The following TULP1 variants were observed in gnomAD, a reference collection of about 807,000 sequenced individuals.
The protein encoded by TULP1 is TUB like protein 1, also known as tubby-related protein 1.
Under a neutral mutation model 67.1 loss-of-function variants are expected in TULP1, and 50 were observed. That is an observed-to-expected ratio of 0.75 (90% CI 0.59 to 0.94). The LOEUF (loss-of-function observed/expected upper bound fraction) is 0.94, where lower values mean the gene tolerates loss of function less well. Among genes scored for constraint, TULP1 ranks in the 40% least tolerant of loss-of-function variants. TULP1 has a pLI of 0.00. For missense variants in TULP1, 746 were observed against 734.1 expected (o/e 1.02, Z -0.19); for synonymous variants, 297 against 294.0 (o/e 1.01, Z -0.11).
intron 11 of TULP1, chr6:35,505,475 C>T (rs2395628): frequency 0.3 from 270,453 of 902,484 alleles, 41,700 homozygotes; most frequent in East Asian, 0.39. Context: ...TGCCCTGCTC[C>T]AAGTGAGGCC....
At position 35,498,405 on chromosome 6, in the gene TULP1, G is replaced by C; in HGVS notation, c.1551C>G (p.Asp517Glu). ...GRVAEDAFTL[D>E]YRYPLCALQA... ...GCAGGGCGCACAGCGGGTACCGGTA[G>C]TCTAGGGTGAAGGCGTCCTCCGCCA... is the stretch of plus-strand genomic sequence containing the variant. The change falls in exon 15 of 15, where the codon GAC (aspartate) becomes GAG (glutamate). Residue 517 changes from aspartate to glutamate, a missense_variant. Physicochemically the swap from Asp to Glu is conservative, Grantham distance 45. This residue lies in a region of TULP1 where 383 missense variants were observed against 374.1 expected (regional missense o/e 1.02). Coordinates refer to ENST00000229771, the MANE Select transcript of TULP1 (RefSeq NM_003322.6). This position sits in a 1 kb window ranked among gnomAD's most constrained non-coding sequence, Gnocchi z 6.7. 6.2e-7 allele frequency: 1 copy of C among 1,613,974 alleles called. No homozygotes were observed. Among genetic ancestry groups the C allele is most frequent in the Non-Finnish European group, 8.5e-7 (1 of 1,180,026 alleles).
At chr6:35,502,909 G>T (rs1051166784) in intron 13 of TULP1, among the ~76,000 whole-genome samples, 6 of 152,062 alleles carry the variant, frequency 3.9e-5, no homozygotes, top group Middle Eastern at 3.4e-3. Context: ...CCAGCTTCAG[G>T]GGGGCAGAGC....
intron 11 of TULP1, 74 bp downstream of exon 11, chr6:35,505,667 C>T (rs1434409440): frequency 3.8e-6 from 6 of 1,587,196 alleles, no homozygotes; most frequent in Non-Finnish European, 5.1e-6. Flanking sequence ...CTACCAGGCA[C>T]AGCAGGACAG....
Position 35,498,863 on chromosome 6 carries a change from T to A in TULP1, c.1496-403A>T, listed in dbSNP as rs1472154892. Among the ~76,000 whole-genome samples, 1 of 152,118 alleles carries A rather than the reference T, an allele frequency of 6.6e-6. No homozygotes were observed. The highest frequency in any genetic ancestry group is 2.4e-5 in the African/African-American group (1 of 41,428). ...TTAGACCCCAGCTCCACCCCTTGAC[T>A]AGCCCCTGGTTCCCTTCCTCAGCCT... On this transcript the variant is annotated intron_variant, in intron 14 of 14. Transcript: ENST00000229771. The surrounding 1 kb of genome is among the most constrained non-coding windows in gnomAD (Gnocchi z 6.7).
In TULP1 at chr6:35,498,479, GT is replaced by G. The variant is rs758735712; in HGVS notation, c.1496-20del. 1.2e-5 allele frequency: 19 copies of G among 1,613,290 alleles called. No homozygotes were observed. The highest frequency in any genetic ancestry group is 1.4e-5 in the Non-Finnish European group (17 of 1,179,982). Reference sequence around the variant, plus strand: ...TAGTCGGCTATGGACACAAGACGGGGTGGGGGCGGCCCGAGACCTCCTTGGA... The same window carrying G: ...TAGTCGGCTATGGACACAAGACGGGGGGGGGCGGCCCGAGACCTCCTTGGA... On this transcript the variant is annotated intron_variant, in intron 14 of 14. Coordinates refer to ENST00000229771, the MANE Select transcript of TULP1 (RefSeq NM_003322.6). This position sits in a 1 kb window ranked among gnomAD's most constrained non-coding sequence, Gnocchi z 6.7.
chr6:35,505,617 G>A (rs770410670), intron 11 of TULP1, 124 bp downstream of exon 11: 1 of 1,547,212 alleles, frequency 6.5e-7, no homozygotes, highest in African/African-American at 1.4e-5. Context: ...GAGGCCCTAG[G>A]CTAGGGGACG....
chr6:35,505,682 G>T (rs924522432), intron 11 of TULP1, 59 bp downstream of exon 11: 2 of 1,601,076 alleles, frequency 1.2e-6, no homozygotes, highest in Non-Finnish European at 1.7e-6. Context: ...GGACAGAGAT[G>T]ACGGGCTATG....
chr6:35,504,316 GC>G (rs1267183964), intron 11 of TULP1, among the ~76,000 whole-genome samples: 3 of 152,060 alleles, frequency 2.0e-5, no homozygotes, highest in African/African-American at 7.2e-5. Context: ...CTGCACTCCA[GC>G]CTGGGCGACA....
chr6:35,501,051 C>T (rs1278830621), intron 13 of TULP1, among the ~76,000 whole-genome samples: 1 of 152,094 alleles, frequency 6.6e-6, no homozygotes. Context: ...ACATCAGTCT[C>T]CTGTGAGGAT....
At chr6:35,507,203 CA>C (rs869194937) in intron 8 of TULP1, among the ~76,000 whole-genome samples, 4,811 of 71,966 alleles carry the variant, frequency 0.067, 92 homozygotes, top group African/African-American at 0.12. Context: ...AACACTCAAG[CA>C]AAAAAAAAAA....
rs958604516 is a variant in TULP1 at position 35,497,895 on chromosome 6, T to C, written c.*432A>G. The C allele has an allele frequency of 1.3e-5, 3 of 223,084 alleles. No individual in the cohort carries two copies. Among genetic ancestry groups the C allele is most frequent in the South Asian group, 6.2e-5 (1 of 16,128 alleles). 13.8% of individuals were successfully genotyped at this position (223,084 alleles called of 1,614,324 possible). A position where few individuals can be genotyped will look rare whatever the true frequency, so the allele number is the denominator to read the frequency against. On this transcript the variant is annotated 3_prime_UTR_variant, in exon 15 of 15. Coordinates refer to ENST00000229771, the MANE Select transcript of TULP1 (RefSeq NM_003322.6). ...CCGCTTGGCCAAGGACGCGGCTTTATTGGGGATGTGGGTGCCTGGCCCTCG... is the reference window on the plus strand; with the variant it reads ...CCGCTTGGCCAAGGACGCGGCTTTACTGGGGATGTGGGTGCCTGGCCCTCG...
chr6:35,506,150 G>A lies in TULP1; in HGVS notation c.852C>T (p.Pro284=), dbSNP rs1002555460. The A allele has an allele frequency of 6.2e-7, 1 of 1,613,606 alleles. No homozygotes were observed. Among genetic ancestry groups the A allele is most frequent in the Non-Finnish European group, 8.5e-7 (1 of 1,179,908 alleles). The change falls in exon 10 of 15, where the codon CCC becomes CCT. Residue 284 remains proline, a synonymous_variant. Coordinates refer to ENST00000229771, the MANE Select transcript of TULP1 (RefSeq NM_003322.6). ...KKAKEERAPS[P]PVEVDEPREF... ...CCCGGGGTTCGTCCACCTCCACGGG[G>A]GGAGACGGGGCCCTCTCCTCCTTCT...
rs537198333 is a variant in TULP1 at position 35,510,856 on chromosome 6, C to T, written c.499+5G>A. 1.2e-6 allele frequency: 2 copies of T among 1,613,698 alleles called. No homozygotes were observed. Among genetic ancestry groups the T allele is most frequent in the Non-Finnish European group, 1.7e-6 (2 of 1,179,998 alleles). ...GTGAGCTCTCTCAGCACCCTCAGCA[C>T]CCACCCCTTGGGCCCTGGGCCTTGG... On this transcript the variant is annotated splice_donor_5th_base_variant and intron_variant, in intron 5 of 14. Transcript: ENST00000229771.
intron 13 of TULP1, among the ~76,000 whole-genome samples, chr6:35,502,795 G>A (rs1265856185): frequency 6.6e-6 from 1 of 151,904 alleles, no homozygotes; most frequent in East Asian, 1.9e-4. Context: ...CACTGCACCT[G>A]GTCTGACATT....
rs759588259 is a variant in TULP1 at position 35,510,859 on chromosome 6, A to AC, written c.499+1dup. On this transcript the variant is annotated splice_donor_variant, in intron 5 of 14. Transcript: ENST00000229771. LOFTEE classifies it high-confidence loss of function. ...AGCTCTCTCAGCACCCTCAGCACCC[A>AC]CCCCTTGGGCCCTGGGCCTTGGCCC... is the stretch of plus-strand genomic sequence containing the variant. The AC allele has an allele frequency of 6.2e-7, 1 of 1,613,500 alleles. No homozygotes were observed. Among genetic ancestry groups the AC allele is most frequent in the African/African-American group, 1.3e-5 (1 of 74,960 alleles).
At chr6:35,501,142 CACGTCTCTCCAGA>C (rs1760951706) in intron 13 of TULP1, among the ~76,000 whole-genome samples, 1 of 152,190 alleles carries the variant, frequency 6.6e-6, no homozygotes, top group African/African-American at 2.4e-5. Flanking sequence ...ACGGGACTGA[CACGTCTCTCCAGA>C]ACATCTCTCC....
rs528561510 is a variant in TULP1 at position 35,512,640 on chromosome 6, T to A, written c.98A>T (p.Gln33Leu). ...LSPEAPRRPK[Q>L]RPAPAQRLRK... Reference sequence around the variant, plus strand: ...TCCTTTCCAAGTGGGGTGGCATACCTGTTTGGGGCGCCGCGGGGCCTCCGG... The same window carrying A: ...TCCTTTCCAAGTGGGGTGGCATACCAGTTTGGGGCGCCGCGGGGCCTCCGG... The change falls in exon 2 of 15, where the codon CAG (glutamine) becomes CTG (leucine). Residue 33 changes from glutamine to leucine, a missense_variant and splice_region_variant. Around this residue, in one of 3 missense-constraint regions of TULP1, gnomAD observed 359 missense variants for 341.9 expected, o/e 1.05. Coordinates refer to ENST00000229771, the MANE Select transcript of TULP1 (RefSeq NM_003322.6). 1 of 1,613,880 alleles carries A rather than the reference T, an allele frequency of 6.2e-7. No individual in the cohort carries two copies. Among genetic ancestry groups the A allele is most frequent in the East Asian group, 2.2e-5 (1 of 44,800 alleles).
chr6:35,499,302 C>T (rs1218633397), intron 14 of TULP1, among the ~76,000 whole-genome samples: 1 of 152,166 alleles, frequency 6.6e-6, no homozygotes, highest in East Asian at 1.9e-4. Context: ...TATTCCCTGC[C>T]CCTAAAAGGC....
Position 35,511,017 on chromosome 6 carries a change from G to A in TULP1, c.350-7C>T. ...TCCTCTTCCTCCTCCTCCTCTGCAG[G>A]TAGAAACTCTTCATAATGGGGGTTT... On this transcript the variant is annotated splice_region_variant and splice_polypyrimidine_tract_variant and intron_variant, in intron 4 of 14. Coordinates refer to ENST00000229771, the MANE Select transcript of TULP1 (RefSeq NM_003322.6). The A allele has an allele frequency of 1.2e-6, 2 of 1,603,958 alleles. No individual in the cohort carries two copies. Among genetic ancestry groups the A allele is most frequent in the South Asian group, 1.1e-5 (1 of 91,070 alleles).
Sources: allele counts gnomAD v4.1 joint callset (sites outside exome capture counted in the v4.1 genomes callset), GRCh38; gene constraint gnomAD v4.1.1; regional missense constraint gnomAD v4.1.1; non-coding constraint Gnocchi (gnomAD v3.1); transcripts MANE v1.5; gene names NCBI Gene and HGNC (gene_info 2026-07-23, HGNC 2026-07-21).